The following STK3 variants were observed in gnomAD, a reference collection of about 807,000 sequenced individuals.
STK3 encodes the protein serine/threonine-protein kinase 3.
A neutral mutation model predicts 58.0 loss-of-function variants in STK3; 41 were observed. The ratio of observed to expected loss-of-function variants is 0.71; its 90% CI spans 0.55 to 0.92. The LOEUF is 0.92. STK3 is among the 40% of genes least tolerant of loss of function. The probability of loss-of-function intolerance (pLI) is 0.00; values close to 1 mark genes in which losing one functional copy is unlikely to be tolerated. For missense variants in STK3, 479 were observed against 602.7 expected (o/e 0.79, Z 2.15); for synonymous variants, 170 against 191.0 (o/e 0.89, Z 0.91).
At chr8:98,797,743 G>A (rs1833270721) in intron 1 of STK3, among the ~76,000 whole-genome samples, 1 of 152,174 alleles carries the variant, frequency 6.6e-6, no homozygotes, top group Non-Finnish European at 1.5e-5. Flanking sequence ...AAATTGACAA[G>A]CTGGCAATCT....
At chr8:98,898,890 G>C (rs889568696) in intron 1 of STK3, among the ~76,000 whole-genome samples, 2 of 152,090 alleles carry the variant, frequency 1.3e-5, no homozygotes, top group Admixed American at 1.3e-4. Flanking sequence ...TGCCTGGTAC[G>C]TGCTCGGCCA....
At chr8:98,893,470 G>GAA (rs530413820) in intron 1 of STK3, among the ~76,000 whole-genome samples, 1 of 76,362 alleles carries the variant, frequency 1.3e-5, no homozygotes, top group Non-Finnish European at 2.4e-5. Flanking sequence ...AAGAAAGAAA[G>GAA]AAAGAAAGAA....
At chr8:98,370,342 A>AGTATGT (rs1817598896), downstream of STK3, among the ~76,000 whole-genome samples, 1 of 138,524 alleles carries the variant, frequency 7.2e-6, no homozygotes, top group Admixed American at 7.2e-5. Flanking sequence ...TGACCTCTGC[A>AGTATGT]GTGTGTGTGT....
the STK3 span, among the ~76,000 whole-genome samples, chr8:98,350,286 C>T: frequency 1.3e-5 from 2 of 152,168 alleles, no homozygotes; most frequent in East Asian, 3.9e-4. Context: ...GCTCCAGTTC[C>T]CAACAAGTTC....
At chr8:98,748,751 C>T (rs1489171075) in intron 4 of STK3, among the ~76,000 whole-genome samples, 1 of 151,862 alleles carries the variant, frequency 6.6e-6, no homozygotes, top group Non-Finnish European at 1.5e-5. Context: ...TTAAACAATA[C>T]ATTTCACTAA....
At position 98,800,676 on chromosome 8, in the gene STK3, C is replaced by T. The variant is rs952997589; in HGVS notation, c.26+24839G>A. 6.6e-6 allele frequency among the ~76,000 whole-genome samples: 1 copy of T among 152,218 alleles called. No homozygotes were observed. Among genetic ancestry groups the T allele is most frequent in the African/African-American group, 2.4e-5 (1 of 41,456 alleles). ...GGGTGTGGGCTTGATGGGCCCCGCA[C>T]TCAGAGTGGCCAGCTGATGCCGCCA... On this transcript the variant is annotated intron_variant, in intron 1 of 10. Coordinates refer to ENST00000419617, the MANE Select transcript of STK3 (RefSeq NM_006281.4). The surrounding 1 kb of genome is among the most constrained non-coding windows in gnomAD (Gnocchi z 4.8).
At chr8:98,668,065 T>C (rs1460275643) in intron 6 of STK3, among the ~76,000 whole-genome samples, 3 of 152,134 alleles carry the variant, frequency 2.0e-5, no homozygotes, top group Non-Finnish European at 2.9e-5. Flanking sequence ...AAAGCTTTAA[T>C]TAAGAAATGA....
intron 3 of STK3, among the ~76,000 whole-genome samples, chr8:98,425,692 C>T (rs1818224760): frequency 1.3e-5 from 2 of 152,170 alleles, no homozygotes; most frequent in Non-Finnish European, 1.5e-5. Context: ...CATTCGAAGC[C>T]AGATTAACGG....
chr8:98,613,955 A>T (rs980094103), intron 6 of STK3, among the ~76,000 whole-genome samples: 1 of 152,206 alleles, frequency 6.6e-6, no homozygotes, highest in African/African-American at 2.4e-5. Context: ...ACAGAGAGGG[A>T]CATTACATAG....
At chr8:98,566,755 G>C (rs1166942977) in intron 8 of STK3, among the ~76,000 whole-genome samples, 1 of 152,090 alleles carries the variant, frequency 6.6e-6, no homozygotes, top group Non-Finnish European at 1.5e-5. Flanking sequence ...AAATAAATCA[G>C]AAGCAAAAGT....
At chr8:98,441,239 C>A (rs1763703998) in intron 1 of STK3, among the ~76,000 whole-genome samples, 1 of 152,198 alleles carries the variant, frequency 6.6e-6, no homozygotes, top group South Asian at 2.1e-4. Context: ...TATGTCTTCC[C>A]AGACCTTTCT....
chr8:98,558,803 A>G (rs944808804), intron 8 of STK3, among the ~76,000 whole-genome samples: 1 of 152,200 alleles, frequency 6.6e-6, no homozygotes, highest in Admixed American at 6.5e-5. Flanking sequence ...ATTTTAATAC[A>G]TAAATTGTAT....
intron 1 of STK3, among the ~76,000 whole-genome samples, chr8:98,798,257 G>C (rs886122569): frequency 6.6e-6 from 1 of 152,130 alleles, no homozygotes; most frequent in Admixed American, 6.6e-5. Flanking sequence ...TCCCCCAAAT[G>C]AATCCAGTAA....
intron 8 of STK3, among the ~76,000 whole-genome samples, chr8:98,564,193 A>G (rs768676066): frequency 1.7e-4 from 26 of 152,116 alleles, no homozygotes; most frequent in Non-Finnish European, 3.2e-4. Flanking sequence ...AAAAATCCCA[A>G]TTGAAGGACA....
intron 10 of STK3, among the ~76,000 whole-genome samples, chr8:98,492,599 A>ATT (rs541295546): frequency 7.9e-5 from 12 of 151,198 alleles, no homozygotes; most frequent in African/African-American, 2.4e-4. Flanking sequence ...AGTGTTTTGT[A>ATT]TTTTTTTTTG....
chr8:98,613,871 A>T (rs1817410822), intron 6 of STK3, among the ~76,000 whole-genome samples: 1 of 152,180 alleles, frequency 6.6e-6, no homozygotes, highest in Non-Finnish European at 1.5e-5. Context: ...ACATGCAAAC[A>T]ATAATCAAAC....
At chr8:98,753,926 T>C (rs1830134074) in intron 3 of STK3, among the ~76,000 whole-genome samples, 1 of 152,194 alleles carries the variant, frequency 6.6e-6, no homozygotes, top group African/African-American at 2.4e-5. Flanking sequence ...GTTGACAAGG[T>C]ACCTTACTTT....
chr8:98,750,205 G>T (rs1379392567), intron 3 of STK3, among the ~76,000 whole-genome samples: 6 of 152,104 alleles, frequency 3.9e-5, no homozygotes, highest in Non-Finnish European at 8.8e-5. Flanking sequence ...TTTGTGGAAG[G>T]GAGTGGGATT....
chr8:98,589,830 T>C (rs1586948909), intron 7 of STK3, among the ~76,000 whole-genome samples: 3 of 152,314 alleles, frequency 2.0e-5, no homozygotes, highest in African/African-American at 7.2e-5. Flanking sequence ...GTCGGAAAAG[T>C]GCAGTATTAG....
Sources: allele counts gnomAD v4.1 joint callset (sites outside exome capture counted in the v4.1 genomes callset), GRCh38; gene constraint gnomAD v4.1.1; non-coding constraint Gnocchi (gnomAD v3.1); transcripts MANE v1.5; gene names NCBI Gene and HGNC (gene_info 2026-07-23, HGNC 2026-07-21).